The following FSTL5 variants were observed in gnomAD, a reference collection of about 807,000 sequenced individuals.
FSTL5 encodes follistatin-related protein 5.
Under a neutral mutation model 89.1 loss-of-function variants are expected in FSTL5, and 62 were observed. That is an observed-to-expected ratio of 0.70 (90% CI 0.57 to 0.86). The LOEUF (loss-of-function observed/expected upper bound fraction) is 0.86, where lower values mean the gene tolerates loss of function less well. Ranked by LOEUF, FSTL5 falls within the 40% of genes least tolerant of loss-of-function variation. The pLI, the probability that FSTL5 is intolerant of heterozygous loss-of-function variation, is 0.00. For synonymous variants in FSTL5, 383 were observed against 346.2 expected (o/e 1.11, Z -1.18); for missense variants, 1,057 against 1,001.6 (o/e 1.06, Z -0.75).
At chr4:162,162,824 T>C (rs2110774093) in intron 1 of FSTL5, among the ~76,000 whole-genome samples, 2 of 152,296 alleles carry the variant, frequency 1.3e-5, no homozygotes, top group Admixed American at 1.3e-4. Context: ...CCCAGTTCCA[T>C]TCAATTACCA....
chr4:162,133,523 T>G (rs2111463208), intron 1 of FSTL5, among the ~76,000 whole-genome samples: 1 of 152,342 alleles, frequency 6.6e-6, no homozygotes, highest in Admixed American at 6.5e-5. Context: ...TGTTTTGTTT[T>G]TGTTTAGTTT....
intron 3 of FSTL5, among the ~76,000 whole-genome samples, chr4:161,974,893 A>G: frequency 6.6e-6 from 1 of 151,972 alleles, no homozygotes; most frequent in Non-Finnish European, 1.5e-5. Context: ...AATGAAATCA[A>G]ACAAATTTAC....
At chr4:161,979,941 G>C (rs1184421917) in intron 3 of FSTL5, among the ~76,000 whole-genome samples, 1 of 151,876 alleles carries the variant, frequency 6.6e-6, no homozygotes, top group Non-Finnish European at 1.5e-5. Context: ...ATTTAATACA[G>C]ATGCCTCCAA....
chr4:161,983,977 A>G (rs1578917960), intron 3 of FSTL5, among the ~76,000 whole-genome samples: 2 of 152,196 alleles, frequency 1.3e-5, no homozygotes, highest in Admixed American at 6.5e-5. Flanking sequence ...CCTGAAAAAA[A>G]TTTTATACAA....
At chr4:161,707,471 A>G (rs939582817) in intron 6 of FSTL5, among the ~76,000 whole-genome samples, 1 of 151,932 alleles carries the variant, frequency 6.6e-6, no homozygotes, top group South Asian at 2.1e-4. Flanking sequence ...ATTATGCTAC[A>G]AATGTCTTTA....
chr4:162,075,129 G>A (rs909144860), intron 2 of FSTL5, among the ~76,000 whole-genome samples: 1 of 151,750 alleles, frequency 6.6e-6, no homozygotes, highest in African/African-American at 2.4e-5. Context: ...ACATACTGCT[G>A]AAGCCCCATG....
At chr4:161,775,188 C>A (rs1741363425) in intron 5 of FSTL5, among the ~76,000 whole-genome samples, 1 of 152,056 alleles carries the variant, frequency 6.6e-6, no homozygotes. Flanking sequence ...AACCTATATT[C>A]ACTGTTAAGG....
intron 2 of FSTL5, among the ~76,000 whole-genome samples, chr4:162,060,415 T>C (rs966458101): frequency 9.9e-5 from 15 of 152,086 alleles, no homozygotes; most frequent in South Asian, 4.1e-4. Flanking sequence ...AGCATTTTGC[T>C]TAGTTTATAT....
chr4:161,681,421 T>C (rs147019738), intron 6 of FSTL5, among the ~76,000 whole-genome samples: 3 of 152,250 alleles, frequency 2.0e-5, no homozygotes, highest in East Asian at 3.9e-4. Context: ...GTCTCAAATA[T>C]GTTTGTGGTT....
rs1371003920 is a variant in FSTL5 at position 161,586,643 on chromosome 4, C to T, written c.1015+812G>A. ...TTATTTTAAAATAAATCAGAATGTGCTACTCTGTATACTAAACACTTTGAC... is the reference window on the plus strand; with the variant it reads ...TTATTTTAAAATAAATCAGAATGTGTTACTCTGTATACTAAACACTTTGAC... On this transcript the variant is annotated intron_variant, in intron 8 of 15. Transcript: ENST00000306100. Among the ~76,000 whole-genome samples the T allele has an allele frequency of 2.0e-5, 3 of 152,250 alleles. No homozygotes were observed. In the East Asian group the frequency reaches 5.8e-4, roughly 29 times the overall value.
chr4:161,596,012 G>T (rs553621961), intron 7 of FSTL5, among the ~76,000 whole-genome samples: 1 of 151,896 alleles, frequency 6.6e-6, no homozygotes, highest in African/African-American at 2.4e-5. Flanking sequence ...ATTTGCAATA[G>T]TGTAAAAGCT....
At chr4:161,687,459 T>C (rs2126715750) in intron 6 of FSTL5, among the ~76,000 whole-genome samples, 1 of 152,374 alleles carries the variant, frequency 6.6e-6, no homozygotes, top group South Asian at 2.1e-4. Flanking sequence ...AAATTTATTA[T>C]GTTTTTTGCA....
chr4:162,070,882 C>T (rs561483231), intron 2 of FSTL5, among the ~76,000 whole-genome samples: 1 of 151,728 alleles, frequency 6.6e-6, no homozygotes, highest in African/African-American at 2.4e-5. Flanking sequence ...AATCCCTAGA[C>T]TAACCCTACA....
chr4:161,718,704 A>G (rs545436639), intron 6 of FSTL5, among the ~76,000 whole-genome samples: 52 of 152,320 alleles, frequency 3.4e-4, no homozygotes, highest in African/African-American at 1.1e-3. Flanking sequence ...CTGGGATTAC[A>G]GGTGTGAGCC....
At chr4:161,477,502 C>A (rs1314466670) in intron 13 of FSTL5, among the ~76,000 whole-genome samples, 1 of 150,780 alleles carries the variant, frequency 6.6e-6, no homozygotes, top group Non-Finnish European at 1.5e-5. Flanking sequence ...CCTTCTCTTT[C>A]TATTGTCTAC....
chr4:161,407,297 T>C (rs1731419397), intron 15 of FSTL5, among the ~76,000 whole-genome samples: 1 of 152,186 alleles, frequency 6.6e-6, no homozygotes, highest in African/African-American at 2.4e-5. Context: ...GCCAAGTAGA[T>C]GCATACAGGA....
chr4:161,554,341 G>C (rs142251205), intron 8 of FSTL5, among the ~76,000 whole-genome samples: 1 of 151,512 alleles, frequency 6.6e-6, no homozygotes, highest in Non-Finnish European at 1.5e-5. Flanking sequence ...GAATCTAATA[G>C]AATTTATTTA....
At chr4:161,974,846 C>A (rs1735587595) in intron 3 of FSTL5, among the ~76,000 whole-genome samples, 1 of 151,446 alleles carries the variant, frequency 6.6e-6, no homozygotes, top group African/African-American at 2.4e-5. Context: ...TTTTCGCAAC[C>A]TACTCATCTG....
chr4:162,038,585 T>G (rs1018372141), intron 2 of FSTL5, among the ~76,000 whole-genome samples: 2 of 151,984 alleles, frequency 1.3e-5, no homozygotes, highest in African/African-American at 4.8e-5. Context: ...AACACCAAAG[T>G]ACCATGTTGC....
Sources: gnomAD v4.1 joint callset for allele counts (sites outside exome capture counted in the v4.1 genomes callset) on GRCh38, gnomAD v4.1.1 for gene constraint, MANE v1.5 for transcripts, NCBI Gene and HGNC (gene_info 2026-07-23, HGNC 2026-07-21) for gene names.